Variants in CNTNAP2 observed in about 807,000 individuals in gnomAD.
CNTNAP2 encodes contactin associated protein 2, also known as contactin-associated protein-like 2.
In CNTNAP2, 98 loss-of-function variants were observed where a neutral mutation model predicts 155.2. The ratio of observed to expected loss-of-function variants is 0.63; its 90% CI spans 0.54 to 0.75. CNTNAP2 has a LOEUF of 0.75. Among genes scored for constraint, CNTNAP2 ranks in the 30% least tolerant of loss-of-function variants. The pLI, the probability that CNTNAP2 is intolerant of heterozygous loss-of-function variation, is 0.00. For missense variants in CNTNAP2, 1,727 were observed against 1,688.1 expected (o/e 1.02, Z -0.40); for synonymous variants, 651 against 631.2 (o/e 1.03, Z -0.47).
rs572740327 is a variant in CNTNAP2, at chr7:146,928,894, G to T, written c.402+88990G>T. Among the ~76,000 whole-genome samples, 3 of 152,352 alleles carry T rather than the reference G, an allele frequency of 2.0e-5. No individual in the cohort carries two copies. The South Asian group carries it at 6.2e-4, about 32-fold the overall frequency. ...CAGGGAGGCTGGGGGAGGGGCGCCT[G>T]CCATTGCCCAGGCTTGCTTAGGTAA... On this transcript the variant is annotated intron_variant, in intron 3 of 23. Transcript: ENST00000361727.
chr7:147,556,690 A>T (rs1014589534), intron 11 of CNTNAP2, among the ~76,000 whole-genome samples: 2 of 152,168 alleles, frequency 1.3e-5, no homozygotes, highest in African/African-American at 4.8e-5. Flanking sequence ...TTTCCCCCCT[A>T]GAATTTGCAG....
At position 147,516,305 on chromosome 7, in the gene CNTNAP2, G is replaced by T. The variant is rs1799125938; in HGVS notation, c.1777+30264G>T. Reference sequence around the variant, plus strand: ...TTACTCAGGCTCAATGATTCACTATGTACAGTTTACAAATTAATTAGCTTC... The same window carrying T: ...TTACTCAGGCTCAATGATTCACTATTTACAGTTTACAAATTAATTAGCTTC... On this transcript the variant is annotated intron_variant, in intron 11 of 23. Transcript: ENST00000361727. Among the ~76,000 whole-genome samples, 3 of 152,062 alleles carry T rather than the reference G, an allele frequency of 2.0e-5. No homozygotes were observed. In the South Asian group the frequency reaches 6.2e-4, roughly 32 times the overall value.
chr7:146,484,623 C>T lies in CNTNAP2; in HGVS notation c.98-289648C>T, dbSNP rs778419565. Among the ~76,000 whole-genome samples the T allele has an allele frequency of 1.5e-4, 22 of 151,558 alleles. No homozygotes were observed. In the East Asian group the frequency reaches 2.9e-3, roughly 20 times the overall value. ...ATACTAAAACAAAAATCTCTGAAACCGTATCAGAAAGAAAGAAAAGAAAGA... is the reference window on the plus strand; with the variant it reads ...ATACTAAAACAAAAATCTCTGAAACTGTATCAGAAAGAAAGAAAAGAAAGA... On this transcript the variant is annotated intron_variant, in intron 1 of 23. Coordinates refer to ENST00000361727, the MANE Select transcript of CNTNAP2 (RefSeq NM_014141.6).
chr7:147,047,802 G>A (rs2129257276), intron 4 of CNTNAP2, among the ~76,000 whole-genome samples: 1 of 152,260 alleles, frequency 6.6e-6, no homozygotes, highest in East Asian at 1.9e-4. Flanking sequence ...AATAACTGAA[G>A]CAAATCAGGA....
rs545923006 is a variant in CNTNAP2 at position 147,247,809 on chromosome 7, G to A, written c.1349-52332G>A. Among the ~76,000 whole-genome samples the A allele has an allele frequency of 2.0e-4, 30 of 152,234 alleles. No individual in the cohort carries two copies. In the South Asian group the frequency reaches 5.6e-3, roughly 28 times the overall value. ...GTAAAGTAACATAGCCATCTGGTCT[G>A]TTTCATTCTTATTTCCTTAGGAGAA... On this transcript the variant is annotated intron_variant, in intron 8 of 23. Coordinates refer to ENST00000361727, the MANE Select transcript of CNTNAP2 (RefSeq NM_014141.6).
At chr7:146,213,095 T>G (rs541648878) in intron 1 of CNTNAP2, among the ~76,000 whole-genome samples, 1 of 152,324 alleles carries the variant, frequency 6.6e-6, no homozygotes, top group East Asian at 1.9e-4. Flanking sequence ...TTGATTAATT[T>G]TTAACGTACT....
chr7:146,784,812 C>T (rs989458998), intron 2 of CNTNAP2, among the ~76,000 whole-genome samples: 19 of 152,038 alleles, frequency 1.2e-4, no homozygotes, highest in African/African-American at 2.7e-4. Context: ...TCCCTCTGTG[C>T]GTAGATATCG....
chr7:147,102,282 G>GAAAAAAAAAAAAAAAAAAA (rs555981471), intron 4 of CNTNAP2, among the ~76,000 whole-genome samples: 7 of 110,572 alleles, frequency 6.3e-5, no homozygotes, highest in African/African-American at 1.8e-4. Context: ...TAGGCAAAAA[G>GAAAAAAAAAAAAAAAAAAA]AAAAAAAAAA....
intron 4 of CNTNAP2, among the ~76,000 whole-genome samples, chr7:147,073,291 T>C (rs1396017885): frequency 6.9e-6 from 1 of 144,900 alleles, no homozygotes; most frequent in Admixed American, 7.1e-5. Context: ...GCATCATCCT[T>C]AGTAAACTAA....
intron 1 of CNTNAP2, among the ~76,000 whole-genome samples, chr7:146,558,242 C>A (rs117794295): frequency 0.023 from 3,433 of 152,160 alleles, 49 homozygotes; most frequent in Middle Eastern, 0.048. Flanking sequence ...GTGCACATGA[C>A]AGAGGCCCCA....
intron 1 of CNTNAP2, among the ~76,000 whole-genome samples, chr7:146,130,346 T>C (rs1445096418): frequency 6.6e-6 from 1 of 152,158 alleles, no homozygotes; most frequent in Non-Finnish European, 1.5e-5. Context: ...GTGTCTGTAC[T>C]GTAGTCCTAG....
intron 15 of CNTNAP2, among the ~76,000 whole-genome samples, chr7:148,096,921 G>T (rs952961516): frequency 9.2e-5 from 14 of 152,124 alleles, no homozygotes; most frequent in Admixed American, 3.9e-4. Context: ...CTGAGTCTGA[G>T]GAGAAGGGTT....
intron 1 of CNTNAP2, among the ~76,000 whole-genome samples, chr7:146,169,000 C>A (rs1393332583): frequency 1.2e-4 from 19 of 152,166 alleles, no homozygotes; most frequent in Non-Finnish European, 1.5e-5. Context: ...TCCAGGCTTT[C>A]GTACATACTG....
intron 21 of CNTNAP2, among the ~76,000 whole-genome samples, chr7:148,336,727 T>C (rs1194187402): frequency 6.6e-6 from 1 of 152,196 alleles, no homozygotes; most frequent in African/African-American, 2.4e-5. Context: ...TAGGAAACAT[T>C]TGAAACTTAC....
chr7:147,397,604 T>G (rs920729293), intron 10 of CNTNAP2, among the ~76,000 whole-genome samples: 5 of 151,970 alleles, frequency 3.3e-5, no homozygotes, highest in African/African-American at 1.2e-4. Flanking sequence ...ATATTAATGT[T>G]TTACTCTGAT....
rs578089350 is a variant in CNTNAP2 at position 148,159,252 on chromosome 7, A to G, written c.2773+11543A>G. ...TTTCATTTTATTACGTTTTTTCTTC[A>G]CCATTGCCAGCTTCACCCTCTCGCC... On this transcript the variant is annotated intron_variant, in intron 17 of 23. Transcript: ENST00000361727. Among the ~76,000 whole-genome samples the G allele has an allele frequency of 4.6e-5, 7 of 151,990 alleles. No homozygotes were observed. In the South Asian group the frequency reaches 1.2e-3, roughly 27 times the overall value.
chr7:146,356,311 G>GT (rs1053005644), intron 1 of CNTNAP2, among the ~76,000 whole-genome samples: 92 of 152,228 alleles, frequency 6.0e-4, no homozygotes, highest in African/African-American at 1.9e-3. Flanking sequence ...TAAGATGCTG[G>GT]TTTTTTACCT....
At chr7:147,549,483 G>T (rs897569167) in intron 11 of CNTNAP2, among the ~76,000 whole-genome samples, 29 of 152,238 alleles carry the variant, frequency 1.9e-4, no homozygotes, top group African/African-American at 6.3e-4. Flanking sequence ...TTGCTTATCA[G>T]TTCAAGATGT....
At chr7:146,749,176 C>T (rs1427435077) in intron 1 of CNTNAP2, among the ~76,000 whole-genome samples, 1 of 151,880 alleles carries the variant, frequency 6.6e-6, no homozygotes, top group Non-Finnish European at 1.5e-5. Flanking sequence ...GTATGTGTAT[C>T]TTTACTAAAT....
Sources: gnomAD v4.1 joint callset for allele counts (sites outside exome capture counted in the v4.1 genomes callset) on GRCh38, gnomAD v4.1.1 for gene constraint, MANE v1.5 for transcripts, NCBI Gene and HGNC (gene_info 2026-07-23, HGNC 2026-07-21) for gene names.